Variants in GPHN observed in about 807,000 individuals in gnomAD.
The protein encoded by GPHN is gephyrin.
A neutral mutation model predicts 95.5 loss-of-function variants in GPHN; 17 were observed. The ratio of observed to expected loss-of-function variants is 0.18; its 90% CI spans 0.12 to 0.27. GPHN has a LOEUF of 0.27. Among genes scored for constraint, GPHN ranks in the 10% least tolerant of loss-of-function variants. The pLI is 1.00. For synonymous variants in GPHN, 320 were observed against 322.5 expected, an observed-to-expected ratio of 0.99 and a Z score of 0.08; for missense variants, 660 against 978.1, an observed-to-expected ratio of 0.67 and a Z score of 4.34.
At chr14:67,126,504 A>G (rs909237992) in intron 17 of GPHN, among the ~76,000 whole-genome samples, 1 of 152,240 alleles carries the variant, frequency 6.6e-6, no homozygotes, top group Non-Finnish European at 1.5e-5. Flanking sequence ...TGCACAAAGT[A>G]GAGAAGTAGA....
intron 16 of GPHN, among the ~76,000 whole-genome samples, chr14:67,119,569 C>T (rs1357452352): frequency 6.6e-6 from 1 of 152,104 alleles, no homozygotes. Context: ...GTGGGCGGAT[C>T]ACCTGAGGTC....
chr14:66,856,208 A>G (rs561561197), intron 4 of GPHN, among the ~76,000 whole-genome samples: 1 of 152,244 alleles, frequency 6.6e-6, no homozygotes, highest in East Asian at 1.9e-4. Context: ...ATAACTTGCC[A>G]TATGGAAGTT....
intron 9 of GPHN, chr14:66,996,126 T>TG: frequency 1.5e-6 from 2 of 1,347,792 alleles, no homozygotes; most frequent in East Asian, 5.0e-5. Flanking sequence ...ACCCTTACTA[T>TG]GCTATCCTTT....
At chr14:66,948,828 G>A (rs2067911676) in intron 8 of GPHN, among the ~76,000 whole-genome samples, 1 of 152,140 alleles carries the variant, frequency 6.6e-6, no homozygotes, top group Non-Finnish European at 1.5e-5. Flanking sequence ...TTGTTTAGAT[G>A]GGGTCTCACT....
intron 3 of GPHN, among the ~76,000 whole-genome samples, chr14:66,811,186 TG>T (rs1352699989): frequency 6.6e-6 from 1 of 152,150 alleles, no homozygotes; most frequent in African/African-American, 2.4e-5. Context: ...AACTACCTGT[TG>T]GGTACTATGT....
At position 66,564,525 on chromosome 14, in the gene GPHN, A is replaced by G. The variant is rs182356054; in HGVS notation, c.64+55934A>G. ...CCCTTTTATTTAAGTAGGGCCTGAG[A>G]CTTTCCTAAATCCTAAAACTAGCCA... On this transcript the variant is annotated intron_variant, in intron 1 of 22. Transcript: ENST00000478722. Among the ~76,000 whole-genome samples the G allele has an allele frequency of 2.3e-3, 351 of 152,302 alleles. 2 individuals are homozygous for G. The highest frequency in any genetic ancestry group is 3.9e-3 in the Admixed American group (59 of 15,306).
chr14:66,671,224 C>T (rs2066289495), intron 1 of GPHN, among the ~76,000 whole-genome samples: 1 of 152,102 alleles, frequency 6.6e-6, no homozygotes, highest in Non-Finnish European at 1.5e-5. Flanking sequence ...TTTTAGAATT[C>T]TGTTAGGTTT....
the GPHN span, among the ~76,000 whole-genome samples, chr14:67,731,494 C>T: frequency 6.6e-6 from 1 of 151,940 alleles, no homozygotes; most frequent in East Asian, 1.9e-4. Context: ...GGATTGCAGG[C>T]GTGAGCCACT....
At chr14:66,753,090 A>T (rs892381276) in intron 2 of GPHN, among the ~76,000 whole-genome samples, 7 of 152,208 alleles carry the variant, frequency 4.6e-5, no homozygotes, top group Admixed American at 2.6e-4. Flanking sequence ...CTGATTTTCA[A>T]CCATGTCCGT....
the GPHN span, among the ~76,000 whole-genome samples, chr14:67,480,583 G>A: frequency 6.6e-6 from 1 of 152,082 alleles, no homozygotes; most frequent in Non-Finnish European, 1.5e-5. Context: ...GCGGTCTGAG[G>A]GCCTGAGACA....
At chr14:66,770,883 G>A (rs947721142) in intron 2 of GPHN, among the ~76,000 whole-genome samples, 7 of 152,120 alleles carry the variant, frequency 4.6e-5, no homozygotes, top group Admixed American at 6.6e-5. Context: ...TCATAGGTGT[G>A]TGTGTGTAGG....
In GPHN at chr14:67,107,408, G is replaced by A. The variant is rs113456306; in HGVS notation, c.1294-2732G>A. ...CTCTCTGTGGCAGAGTTGGGTGTAG[G>A]TTATCCAAAGAACCAAGGTTTATGA... On this transcript the variant is annotated intron_variant, in intron 13 of 22. Transcript: ENST00000478722. Among the ~76,000 whole-genome samples the A allele has an allele frequency of 2.0e-3, 298 of 152,252 alleles. 1 individual carries two copies. The highest frequency in any genetic ancestry group is 6.8e-3 in the Middle Eastern group (2 of 294).
the GPHN span, among the ~76,000 whole-genome samples, chr14:67,371,206 G>A: frequency 2.6e-5 from 4 of 152,100 alleles, no homozygotes; most frequent in African/African-American, 9.7e-5. Flanking sequence ...CTTGAGGTCA[G>A]GATTTCAAGA....
At chr14:67,179,272 G>A (rs1172008161) in intron 21 of GPHN, among the ~76,000 whole-genome samples, 1 of 152,098 alleles carries the variant, frequency 6.6e-6, no homozygotes, top group Non-Finnish European at 1.5e-5. Context: ...TGTGGTCCCA[G>A]CTACTCAGGA....
At chr14:66,822,396 A>C (rs948731780) in intron 3 of GPHN, among the ~76,000 whole-genome samples, 1 of 152,198 alleles carries the variant, frequency 6.6e-6, no homozygotes, top group African/African-American at 2.4e-5. Flanking sequence ...GCTTTTAAAA[A>C]TCCCAGTCAG....
At chr14:67,165,305 G>T in intron 20 of GPHN, 79 bp downstream of exon 20, 1 of 868,794 alleles carries the variant, frequency 1.2e-6, no homozygotes, top group Non-Finnish European at 2.0e-6. Flanking sequence ...TGACCACCTG[G>T]TTTGAAATCT....
chr14:66,562,093 T>C (rs1014458822), intron 1 of GPHN, among the ~76,000 whole-genome samples: 5 of 152,078 alleles, frequency 3.3e-5, no homozygotes, highest in Admixed American at 6.6e-5. Context: ...TCCAAGATAA[T>C]CTCCACATCT....
rs147633940 is a variant in GPHN, at chr14:67,006,615, C to T, written c.964-17018C>T. 4.5e-4 allele frequency among the ~76,000 whole-genome samples: 69 copies of T among 152,210 alleles called. No individual in the cohort carries two copies. The East Asian group carries it at 4.6e-3, about 10-fold the overall frequency. Reference sequence around the variant, plus strand: ...ACTGAAGCTGTAGATTAATGGTGAACTTCTGTGTAATGCTTGACAAAGAAG... The same window carrying T: ...ACTGAAGCTGTAGATTAATGGTGAATTTCTGTGTAATGCTTGACAAAGAAG... On this transcript the variant is annotated intron_variant, in intron 9 of 22. Transcript: ENST00000478722.
intron 1 of GPHN, among the ~76,000 whole-genome samples, chr14:66,621,447 CAG>C (rs2063298439): frequency 7.1e-6 from 1 of 140,432 alleles, no homozygotes. Context: ...TTTTTTGAGA[CAG>C]AGTCTCCCTC....
Sources: allele counts gnomAD v4.1 joint callset (sites outside exome capture counted in the v4.1 genomes callset), GRCh38; gene constraint gnomAD v4.1.1; transcripts MANE v1.5; gene names NCBI Gene and HGNC (gene_info 2026-07-23, HGNC 2026-07-21).